Variants in SLC25A47 observed in about 807,000 individuals in gnomAD.
The protein encoded by SLC25A47 is solute carrier family 25 member 47.
In SLC25A47, 30 loss-of-function variants were observed where a neutral mutation model predicts 29.8. The observed-to-expected ratio is 1.01, with a 90% CI of 0.75 to 1.36. SLC25A47 has a LOEUF of 1.36. Ranked by LOEUF, SLC25A47 falls within the 40% of genes most tolerant of loss-of-function variation. The pLI is 0.00. For synonymous variants in SLC25A47, 204 were observed against 197.8 expected, an observed-to-expected ratio of 1.03 and a Z score of -0.26; for missense variants, 430 against 441.9, an observed-to-expected ratio of 0.97 and a Z score of 0.24.
chr14:100,327,234 C>T lies in SLC25A47; in HGVS notation c.191C>T (p.Ser64Phe), dbSNP rs1225177133. ...RGLSLPVCTV[S>F]LVSSVSFGTY... ...CTCTCGCTGCCCGTGTGCACGGTGT[C>T]CCTGGTATCTTCCGTGTCTTTTGGC... is the stretch of plus-strand genomic sequence containing the variant. The change falls in exon 4 of 6, where the codon TCC (serine) becomes TTC (phenylalanine). Residue 64 changes from serine to phenylalanine, a missense_variant. Physicochemically the swap from Ser to Phe is radical, Grantham distance 155. Transcript: ENST00000361529. The T allele has an allele frequency of 1.2e-6, 2 of 1,609,612 alleles. No homozygotes were observed. Among genetic ancestry groups the T allele is most frequent in the African/African-American group, 1.3e-5 (1 of 74,934 alleles).
chr14:100,323,465 G>A (rs776234460), intron 1 of SLC25A47, 23 bp downstream of exon 1: 1 of 1,613,312 alleles, frequency 6.2e-7, no homozygotes, highest in East Asian at 2.2e-5. Context: ...ATGGTGGGCT[G>A]TGCAGACACT....
At chr14:100,325,141 A>C (rs1187014965) in intron 1 of SLC25A47, among the ~76,000 whole-genome samples, 3 of 152,028 alleles carry the variant, frequency 2.0e-5, no homozygotes, top group Non-Finnish European at 2.9e-5. Flanking sequence ...TTCCCCTCTG[A>C]CTTCCCTGTG....
At chr14:100,325,561 G>A (rs532855759) in intron 1 of SLC25A47, among the ~76,000 whole-genome samples, 1 of 152,344 alleles carries the variant, frequency 6.6e-6, no homozygotes, top group East Asian at 1.9e-4. Flanking sequence ...CAGGGAAGGG[G>A]AACTTGCTTG....
intron 1 of SLC25A47, among the ~76,000 whole-genome samples, chr14:100,324,910 G>A (rs932622477): frequency 6.6e-6 from 1 of 152,178 alleles, no homozygotes; most frequent in African/African-American, 2.4e-5. Context: ...GTAGGAGCCT[G>A]GTGAGGTGTG....
rs1467705792 is a variant in SLC25A47, at chr14:100,329,895, C to T, written c.*250C>T. On this transcript the variant is annotated 3_prime_UTR_variant, in exon 6 of 6. Coordinates refer to ENST00000361529, the MANE Select transcript of SLC25A47 (RefSeq NM_207117.4). ...TGGCAGGAGCCAGGGAGGAGTGGGC[C>T]TCTTTGATGAGAGCGTTGAGTTGCA... 2 of 565,418 alleles carry T rather than the reference C, an allele frequency of 3.5e-6. No individual in the cohort carries two copies. Among genetic ancestry groups the T allele is most frequent in the Non-Finnish European group, 6.3e-6 (2 of 317,832 alleles). 35.0% of individuals were successfully genotyped at this position (565,418 alleles called of 1,614,324 possible). A position where few individuals can be genotyped will look rare whatever the true frequency, so the allele number is the denominator to read the frequency against.
At chr14:100,325,756 C>T (rs9324019) in intron 1 of SLC25A47, 32 bp from the exon 2 acceptor site, 3 of 1,607,358 alleles carry the variant, frequency 1.9e-6, no homozygotes, top group South Asian at 1.1e-5. Context: ...CGGCCCCACT[C>T]TCCTCACCGT....
At position 100,329,845 on chromosome 14, in the gene SLC25A47, G is replaced by A. The variant is rs971279055; in HGVS notation, c.*200G>A. 2.7e-6 allele frequency: 2 copies of A among 731,608 alleles called. No individual in the cohort carries two copies. Among genetic ancestry groups the A allele is most frequent in the Non-Finnish European group, 4.3e-6 (2 of 460,468 alleles). The allele number at this position is 731,608 out of a possible 1,614,324, so 45.3% of individuals were successfully genotyped here. The stretch of plus-strand genomic sequence containing the variant: ...TGACCTCAGGTCGAGGGGCCCGCCA[G>A]CCATCAGCCAGGGTTGGCCTAGGGT... On this transcript the variant is annotated 3_prime_UTR_variant, in exon 6 of 6. Coordinates refer to ENST00000361529, the MANE Select transcript of SLC25A47 (RefSeq NM_207117.4).
rs114845276 is a variant in SLC25A47 at position 100,326,201 on chromosome 14, C to T, written c.117C>T (p.Cys39=). ...CAAAGTACACAGGCATCTGGCACTG[C>T]GTCCGGGATACGTATCACCGAGAGC... ...TEPKYTGIWH[C]VRDTYHRERV... The change falls in exon 3 of 6, where the codon TGC becomes TGT. Residue 39 remains cysteine (C), a synonymous_variant. Transcript: ENST00000361529. 6.3e-4 allele frequency: 1,009 copies of T among 1,613,794 alleles called. 3 individuals carry two copies. In the African/African-American group the frequency reaches 0.011, roughly 18 times the overall value.
At chr14:100,324,383 T>TCTGG (rs1893301525) in intron 1 of SLC25A47, among the ~76,000 whole-genome samples, 1 of 152,052 alleles carries the variant, frequency 6.6e-6, no homozygotes, top group South Asian at 2.1e-4. Flanking sequence ...CACCACAATG[T>TCTGG]CTGGCTAATT....
At position 100,329,399 on chromosome 14, in the gene SLC25A47, A is replaced by C; in HGVS notation, c.681A>C (p.Ala227=). ...VPGVLVAGGC[A]GVLAWAVATP... ...GCGTGCTGGTGGCCGGGGGCTGTGC[A>C]GGAGTCCTGGCCTGGGCTGTGGCCA... Residue 227 remains alanine, a synonymous_variant, in exon 6 of 6, where the codon GCA becomes GCC. Coordinates refer to ENST00000361529, the MANE Select transcript of SLC25A47 (RefSeq NM_207117.4). The C allele has an allele frequency of 1.9e-6, 3 of 1,611,406 alleles. No individual in the cohort carries two copies. Among genetic ancestry groups the C allele is most frequent in the Non-Finnish European group, 2.5e-6 (3 of 1,179,228 alleles).
intron 1 of SLC25A47, 148 bp downstream of exon 1, chr14:100,323,590 T>G (rs1893286344): frequency 9.2e-6 from 9 of 978,058 alleles, no homozygotes. Context: ...AGCAGGTTCC[T>G]GGGAGGCTAA....
Position 100,329,684 on chromosome 14 carries a change from C to T in SLC25A47, c.*39C>T. The T allele has an allele frequency of 6.3e-7, 1 of 1,579,914 alleles. No individual in the cohort carries two copies. Among genetic ancestry groups the T allele is most frequent in the Non-Finnish European group, 8.6e-7 (1 of 1,163,202 alleles). On this transcript the variant is annotated 3_prime_UTR_variant, in exon 6 of 6. Coordinates refer to ENST00000361529, the MANE Select transcript of SLC25A47 (RefSeq NM_207117.4). Reference sequence around the variant, plus strand: ...CCAGCGGCCCACCCACCAGCAGCTGCTGGAGGTCGTAGTGGCTGGAGGAGG... The same window carrying T: ...CCAGCGGCCCACCCACCAGCAGCTGTTGGAGGTCGTAGTGGCTGGAGGAGG...
intron 1 of SLC25A47, among the ~76,000 whole-genome samples, chr14:100,324,968 G>A (rs1713189765): frequency 6.6e-6 from 1 of 152,156 alleles, no homozygotes; most frequent in Non-Finnish European, 1.5e-5. Flanking sequence ...CAAGCCACTT[G>A]GTCTTTTGCC....
chr14:100,327,123 T>C, intron 3 of SLC25A47, 65 bp from the exon 4 acceptor site: 1 of 1,489,420 alleles, frequency 6.7e-7, no homozygotes, highest in Non-Finnish European at 9.0e-7. Flanking sequence ...GGGCTGAGTG[T>C]GGGCTCCCTC....
chr14:100,326,104 G>A, intron 2 of SLC25A47, 53 bp from the exon 3 acceptor site: 1 of 1,483,144 alleles, frequency 6.7e-7, no homozygotes, highest in East Asian at 2.3e-5. Flanking sequence ...AGGGCCTGCT[G>A]GCCTTGCCCT....
At position 100,327,301 on chromosome 14, in the gene SLC25A47, C is replaced by T. The variant is rs147080547; in HGVS notation, c.258C>T (p.Tyr86=). ...HCLAHICRLR[Y]GNPDAKPTKA... Reference sequence around the variant, plus strand: ...TGGCGCACATCTGCCGGCTCCGGTACGGCAACCCTGACGCCAAGCCCACCA... The same window carrying T: ...TGGCGCACATCTGCCGGCTCCGGTATGGCAACCCTGACGCCAAGCCCACCA... The change falls in exon 4 of 6, where the codon TAC becomes TAT. Residue 86 remains tyrosine (Y), a synonymous_variant. Coordinates refer to ENST00000361529, the MANE Select transcript of SLC25A47 (RefSeq NM_207117.4). The T allele has an allele frequency of 7.4e-5, 118 of 1,604,680 alleles. No individual in the cohort carries two copies. The highest frequency in any genetic ancestry group is 3.7e-4 in the African/African-American group (28 of 75,056).
Position 100,329,699 on chromosome 14 carries a change from G to A in SLC25A47, c.*54G>A, listed in dbSNP as rs1595390952. 9.0e-6 allele frequency: 14 copies of A among 1,563,476 alleles called. No homozygotes were observed. In the East Asian group the frequency reaches 2.7e-4, roughly 30 times the overall value. On this transcript the variant is annotated 3_prime_UTR_variant, in exon 6 of 6. Coordinates refer to ENST00000361529, the MANE Select transcript of SLC25A47 (RefSeq NM_207117.4). The stretch of plus-strand genomic sequence containing the variant: ...CCAGCAGCTGCTGGAGGTCGTAGTG[G>A]CTGGAGGAGGCAAGGGGTAGTGTGG...
chr14:100,328,919 G>A lies in SLC25A47; in HGVS notation c.521G>A (p.Gly174Glu), dbSNP rs1893392532. Residue 174 changes from glycine (G) to glutamate (E), a missense_variant, in exon 5 of 6, where the codon GGG (glycine) becomes GAG (glutamate). Coordinates refer to ENST00000361529, the MANE Select transcript of SLC25A47 (RefSeq NM_207117.4). ...HCLATVAREE[G>E]LCGLYKGSSA... ...CTGGCCACGGTAGCCCGTGAGGAGGGGCTGTGCGGCCTCTACAAGGGCAGC... is the reference window on the plus strand; with the variant it reads ...CTGGCCACGGTAGCCCGTGAGGAGGAGCTGTGCGGCCTCTACAAGGGCAGC... The A allele has an allele frequency of 6.2e-7, 1 of 1,608,874 alleles. No homozygotes were observed. Among genetic ancestry groups the A allele is most frequent in the Non-Finnish European group, 8.5e-7 (1 of 1,179,846 alleles).
chr14:100,326,179 A>C lies in SLC25A47; in HGVS notation c.95A>C (p.Lys32Thr), dbSNP rs1440604754. ...CAGGTCAGGATCCAGACGGAGCCAA[A>C]GTACACAGGCATCTGGCACTGCGTC... The part of the protein sequence containing the change: ...TVKVRIQTEP[K>T]YTGIWHCVRD... The change falls in exon 3 of 6, where the codon AAG becomes ACG. Residue 32 changes from lysine to threonine, a missense_variant. Transcript: ENST00000361529. 4 of 1,613,694 alleles carry C rather than the reference A, an allele frequency of 2.5e-6. No homozygotes were observed. Among genetic ancestry groups the C allele is most frequent in the Non-Finnish European group, 3.4e-6 (4 of 1,179,962 alleles).
Sources: gnomAD v4.1 joint callset for allele counts (sites outside exome capture counted in the v4.1 genomes callset) on GRCh38, gnomAD v4.1.1 for gene constraint, MANE v1.5 for transcripts, NCBI Gene and HGNC (gene_info 2026-07-23, HGNC 2026-07-21) for gene names.